C8orf34: variants seen among roughly 807,000 people sequenced by gnomAD.
C8orf34 encodes the protein uncharacterized protein C8orf34.
Under a neutral mutation model 68.3 loss-of-function variants are expected in C8orf34, and 65 were observed. The observed-to-expected ratio is 0.95, with a 90% CI of 0.78 to 1.17. The LOEUF (loss-of-function observed/expected upper bound fraction) is 1.17, where lower values mean the gene tolerates loss of function less well. Among genes scored for constraint, C8orf34 ranks in the 50% most tolerant of loss-of-function variants. The probability of loss-of-function intolerance (pLI) is 0.00; values close to 1 mark genes in which losing one functional copy is unlikely to be tolerated. For missense variants in C8orf34, 664 were observed against 655.4 expected, an observed-to-expected ratio of 1.01 and a Z score of -0.14; for synonymous variants, 244 against 241.2, an observed-to-expected ratio of 1.01 and a Z score of -0.11.
chr8:68,467,819 T>C (rs1359667467), intron 3 of C8orf34, among the ~76,000 whole-genome samples: 1 of 152,070 alleles, frequency 6.6e-6, no homozygotes, highest in Admixed American at 6.6e-5. Context: ...TCTTGTCTTC[T>C]TAGGCCAAGT....
At chr8:68,760,123 G>A (rs561165937) in intron 10 of C8orf34, among the ~76,000 whole-genome samples, 1 of 152,264 alleles carries the variant, frequency 6.6e-6, no homozygotes. Flanking sequence ...GATAGTGAAG[G>A]GAGTTGCTGG....
intron 8 of C8orf34, among the ~76,000 whole-genome samples, chr8:68,671,352 T>C (rs1191783960): frequency 6.6e-6 from 1 of 152,224 alleles, no homozygotes; most frequent in African/African-American, 2.4e-5. Context: ...GTGATTTTAG[T>C]GCCCACAGAT....
At chr8:68,453,997 T>TATTTTCCAGTGC (rs1811447861) in intron 3 of C8orf34, among the ~76,000 whole-genome samples, 5 of 152,022 alleles carry the variant, frequency 3.3e-5, no homozygotes, top group Non-Finnish European at 5.9e-5. Flanking sequence ...TGTGTCGCAT[T>TATTTTCCAGTGC]TTTTTCCAGT....
intron 8 of C8orf34, among the ~76,000 whole-genome samples, chr8:68,644,724 A>T (rs1323649022): frequency 6.6e-6 from 1 of 152,160 alleles, no homozygotes; most frequent in Non-Finnish European, 1.5e-5. Flanking sequence ...GGTTATGGGC[A>T]TGAGTTTAAG....
intron 7 of C8orf34, among the ~76,000 whole-genome samples, chr8:68,590,986 C>T (rs894402922): frequency 6.6e-6 from 1 of 152,160 alleles, no homozygotes; most frequent in Non-Finnish European, 1.5e-5. Context: ...ATGAGACTAT[C>T]TCACCACCAA....
intron 4 of C8orf34, among the ~76,000 whole-genome samples, chr8:68,469,467 T>C (rs1249174148): frequency 6.6e-6 from 1 of 152,074 alleles, no homozygotes; most frequent in Non-Finnish European, 1.5e-5. Flanking sequence ...TTAAAAATGA[T>C]ACATTTCAAG....
intron 5 of C8orf34, among the ~76,000 whole-genome samples, chr8:68,494,432 G>A (rs1479233638): frequency 1.3e-5 from 2 of 152,150 alleles, no homozygotes; most frequent in Non-Finnish European, 2.9e-5. Context: ...GGTGAAAGAT[G>A]TCTGCCCAAC....
chr8:68,550,436 C>T (rs773984709), intron 7 of C8orf34, among the ~76,000 whole-genome samples: 1 of 151,832 alleles, frequency 6.6e-6, no homozygotes, highest in Non-Finnish European at 1.5e-5. Context: ...TTCATATATA[C>T]ATATGCATAC....
At chr8:68,378,670 T>C (rs888210813) in intron 1 of C8orf34, among the ~76,000 whole-genome samples, 5 of 152,224 alleles carry the variant, frequency 3.3e-5, no homozygotes, top group African/African-American at 1.2e-4. Flanking sequence ...CTGAGCAATT[T>C]AACCAATCAA....
rs542949965 is a variant in C8orf34, at chr8:68,659,921, C to T, written c.1241+19410C>T. Among the ~76,000 whole-genome samples the T allele has an allele frequency of 9.2e-5, 14 of 152,116 alleles. No individual in the cohort carries two copies. In the South Asian group the frequency reaches 2.5e-3, roughly 27 times the overall value. On this transcript the variant is annotated intron_variant, in intron 8 of 13. Transcript: ENST00000518698. ...TGAAAAGGATCTAAGACAACAATTG[C>T]GAATGACAAAATATCCAATGTAGTT...
At chr8:68,699,471 G>C (rs1357796410) in intron 8 of C8orf34, among the ~76,000 whole-genome samples, 5 of 152,018 alleles carry the variant, frequency 3.3e-5, no homozygotes, top group Admixed American at 3.3e-4. Flanking sequence ...TCTTTGGGCT[G>C]CCTCAGGTTT....
rs1585922649 is a variant in C8orf34 at position 68,331,024 on chromosome 8, C to T, written c.12C>T (p.Pro4=). ...GGAGAACGCGATGAATGAGTTCTCC[C>T]CTCGCCTCGGAGTTGTCTGAGTTGG... MSS[P]LASELSELAA... is the part of the protein sequence containing the mutation. The change falls in exon 1 of 14, where the codon CCC becomes CCT. Residue 4 remains proline, a synonymous_variant. Coordinates refer to ENST00000518698, the MANE Select transcript of C8orf34 (RefSeq NM_052958.4). The T allele has an allele frequency of 1.4e-6, 2 of 1,449,470 alleles. No individual in the cohort carries two copies. The highest frequency in any genetic ancestry group is 1.8e-6 in the Non-Finnish European group (2 of 1,114,250). The allele number at this position is 1,449,470 out of a possible 1,614,324, so 89.8% of individuals were successfully genotyped here. A position where few individuals can be genotyped will look rare whatever the true frequency, so the allele number is the denominator to read the frequency against.
At chr8:68,539,128 C>T (rs76100254) in intron 7 of C8orf34, among the ~76,000 whole-genome samples, 1 of 152,082 alleles carries the variant, frequency 6.6e-6, no homozygotes, top group Non-Finnish European at 1.5e-5. Context: ...TGTAAACAAA[C>T]CTAAACTAAA....
chr8:68,697,478 T>C (rs1340782216), intron 8 of C8orf34, among the ~76,000 whole-genome samples: 2 of 152,144 alleles, frequency 1.3e-5, no homozygotes, highest in African/African-American at 2.4e-5. Flanking sequence ...AATCTTAGTG[T>C]GAGCATTCTG....
intron 5 of C8orf34, among the ~76,000 whole-genome samples, chr8:68,506,141 C>T (rs1367516767): frequency 3.3e-5 from 5 of 152,026 alleles, no homozygotes; most frequent in Non-Finnish European, 5.9e-5. Context: ...TGCACATGCA[C>T]ACACACACAC....
chr8:68,406,508 TGA>T (rs550226233), intron 1 of C8orf34, among the ~76,000 whole-genome samples: 1 of 150,982 alleles, frequency 6.6e-6, no homozygotes. Context: ...TTATTATTAT[TGA>T]GAGAGAGAGA....
At chr8:68,362,127 G>T (rs994910662) in intron 1 of C8orf34, among the ~76,000 whole-genome samples, 1 of 152,144 alleles carries the variant, frequency 6.6e-6, no homozygotes, top group African/African-American at 2.4e-5. Flanking sequence ...TTCAATTCAG[G>T]CAAGAATAAG....
chr8:68,349,261 A>G (rs1292714548), intron 1 of C8orf34, among the ~76,000 whole-genome samples: 1 of 151,986 alleles, frequency 6.6e-6, no homozygotes, highest in Non-Finnish European at 1.5e-5. Flanking sequence ...AGTTCTGTTT[A>G]TGTGATGAAT....
At chr8:68,576,141 TACAC>T (rs112048534) in intron 7 of C8orf34, among the ~76,000 whole-genome samples, 6 of 149,226 alleles carry the variant, frequency 4.0e-5, no homozygotes, top group East Asian at 2.0e-4. Flanking sequence ...ATATTCTTTT[TACAC>T]ACACACACAC....
Sources: allele counts gnomAD v4.1 joint callset (sites outside exome capture counted in the v4.1 genomes callset), GRCh38; gene constraint gnomAD v4.1.1; transcripts MANE v1.5; gene names NCBI Gene and HGNC (gene_info 2026-07-23, HGNC 2026-07-21).